The following PLCH1 variants were observed in gnomAD, a reference collection of about 807,000 sequenced individuals.
PLCH1 encodes phospholipase C eta 1, also known as 1-phosphatidylinositol 4,5-bisphosphate phosphodiesterase eta-1.
In PLCH1, 60 loss-of-function variants were observed where a neutral mutation model predicts 126.7. The ratio of observed to expected loss-of-function variants is 0.47; its 90% CI spans 0.38 to 0.59. The LOEUF (loss-of-function observed/expected upper bound fraction) is 0.59, where lower values mean the gene tolerates loss of function less well. Among genes scored for constraint, PLCH1 ranks in the 20% least tolerant of loss-of-function variants. The probability of loss-of-function intolerance (pLI) is 0.00; values close to 1 mark genes in which losing one functional copy is unlikely to be tolerated. For missense variants in PLCH1, 1,723 were observed against 2,040.0 expected (o/e 0.84, Z 2.99); for synonymous variants, 719 against 734.9 (o/e 0.98, Z 0.35).
rs191679885 is a variant in PLCH1, at chr3:155,726,859, C to T, written c.-41+17981G>A. ...TACAGGCACGCGCCATCCCACCCGG[C>T]TAATTTTTTTTCTTTTTTCTTTTTT... On this transcript the variant is annotated intron_variant, in intron 1 of 22. Transcript: ENST00000460012. Among the ~76,000 whole-genome samples, 363 of 149,262 alleles carry T rather than the reference C, an allele frequency of 2.4e-3. 4 individuals are homozygous for T. Among genetic ancestry groups the T allele is most frequent in the East Asian group, 2.2e-3 (11 of 5,110 alleles).
intron 2 of PLCH1, among the ~76,000 whole-genome samples, chr3:155,687,750 C>T (rs1046365269): frequency 5.9e-5 from 9 of 152,154 alleles, no homozygotes; most frequent in Non-Finnish European, 1.2e-4. Flanking sequence ...AATAACCATC[C>T]TCCTGTCACT....
chr3:155,659,282 C>T (rs13326969), intron 2 of PLCH1, among the ~76,000 whole-genome samples: 17,357 of 129,514 alleles, frequency 0.13, 1,124 homozygotes, highest in East Asian at 0.23. Flanking sequence ...ACAGGCCAGG[C>T]GTGAGATGTC....
chr3:155,455,719 T>G (rs937489329), intron 21 of PLCH1, among the ~76,000 whole-genome samples: 4 of 152,226 alleles, frequency 2.6e-5, no homozygotes, highest in Non-Finnish European at 5.9e-5. Context: ...GAAGAGGCTT[T>G]GTTTCCTAAT....
At chr3:155,680,669 G>T (rs1166708208) in intron 2 of PLCH1, among the ~76,000 whole-genome samples, 1 of 152,176 alleles carries the variant, frequency 6.6e-6, no homozygotes, top group African/African-American at 2.4e-5. Context: ...AGCAAGATTT[G>T]TAAAAATGGT....
chr3:155,667,458 T>C (rs879524026), intron 2 of PLCH1, among the ~76,000 whole-genome samples: 1 of 152,168 alleles, frequency 6.6e-6, no homozygotes, highest in Non-Finnish European at 1.5e-5. Flanking sequence ...TTGAAGGGAA[T>C]GTAACCTTAG....
At chr3:155,508,936 T>C (rs1397974846) in intron 12 of PLCH1, among the ~76,000 whole-genome samples, 2 of 99,308 alleles carry the variant, frequency 2.0e-5, no homozygotes, top group South Asian at 7.7e-4. Context: ...ATGGTACCAG[T>C]TCCTCCTTGT....
intron 1 of PLCH1, among the ~76,000 whole-genome samples, chr3:155,728,373 A>G (rs1033494080): frequency 6.6e-6 from 1 of 152,092 alleles, no homozygotes; most frequent in Admixed American, 6.6e-5. Context: ...TCCTATGGCC[A>G]AGTATCATGA....
chr3:155,630,001 C>G (rs1033744317), intron 2 of PLCH1, among the ~76,000 whole-genome samples: 2 of 152,226 alleles, frequency 1.3e-5, no homozygotes, highest in African/African-American at 4.8e-5. Context: ...TAGTTAACTA[C>G]TATTAACAGT....
At chr3:155,505,412 C>G (rs1449451282) in intron 12 of PLCH1, among the ~76,000 whole-genome samples, 2 of 152,180 alleles carry the variant, frequency 1.3e-5, no homozygotes, top group Admixed American at 1.3e-4. Context: ...TGGTTCATTA[C>G]TAATAACATG....
intron 11 of PLCH1, among the ~76,000 whole-genome samples, chr3:155,521,770 A>G (rs947009893): frequency 1.3e-5 from 2 of 152,242 alleles, no homozygotes; most frequent in African/African-American, 4.8e-5. Context: ...GCTCAAAAAT[A>G]GCAAAAAACA....
intron 2 of PLCH1, among the ~76,000 whole-genome samples, chr3:155,669,079 A>T (rs1743106363): frequency 2.0e-5 from 3 of 152,008 alleles, no homozygotes; most frequent in African/African-American, 7.2e-5. Flanking sequence ...ACACAAATCC[A>T]CATGCCAAAA....
intron 1 of PLCH1, among the ~76,000 whole-genome samples, chr3:155,731,986 CAAAAAAA>C (rs11449385): frequency 1.5e-5 from 1 of 68,290 alleles, no homozygotes; most frequent in African/African-American, 5.0e-5. Context: ...GACCCTGTCT[CAAAAAAA>C]AAAAAAAAAA....
intron 2 of PLCH1, among the ~76,000 whole-genome samples, chr3:155,645,049 G>A (rs1157962469): frequency 3.3e-5 from 5 of 152,062 alleles, no homozygotes; most frequent in African/African-American, 2.4e-5. Flanking sequence ...ACAATCCTAC[G>A]AGACAGAATA....
At chr3:155,501,193 G>GT (rs926370341) in intron 13 of PLCH1, among the ~76,000 whole-genome samples, 3 of 152,062 alleles carry the variant, frequency 2.0e-5, no homozygotes, top group African/African-American at 7.2e-5. Flanking sequence ...GGCACATTTG[G>GT]TTTTTTAAGA....
intron 21 of PLCH1, among the ~76,000 whole-genome samples, chr3:155,459,409 A>G (rs984728594): frequency 4.2e-4 from 64 of 152,204 alleles, no homozygotes; most frequent in African/African-American, 1.5e-3. Context: ...ATTAGAGTGT[A>G]TAACTCAACC....
chr3:155,717,890 A>T (rs1404137907), intron 1 of PLCH1, among the ~76,000 whole-genome samples: 1 of 152,132 alleles, frequency 6.6e-6, no homozygotes, highest in Non-Finnish European at 1.5e-5. Context: ...CTCCCAAAAA[A>T]AGTGTTTTCT....
chr3:155,561,942 C>T (rs891762800), intron 8 of PLCH1, among the ~76,000 whole-genome samples: 1 of 152,046 alleles, frequency 6.6e-6, no homozygotes, highest in Non-Finnish European at 1.5e-5. Context: ...CCACCATGCC[C>T]GGATAATTCT....
chr3:155,734,421 T>C (rs1749003628), intron 1 of PLCH1, among the ~76,000 whole-genome samples: 3 of 152,106 alleles, frequency 2.0e-5, no homozygotes, highest in Admixed American at 2.0e-4. Flanking sequence ...GATCGCACCA[T>C]TGTACTCCAG....
intron 10 of PLCH1, among the ~76,000 whole-genome samples, chr3:155,544,204 A>T (rs1374953069): frequency 3.3e-5 from 5 of 152,234 alleles, no homozygotes; most frequent in Admixed American, 1.3e-4. Context: ...CTACCAAGCA[A>T]ATGGAAAACA....
Sources: gnomAD v4.1 joint callset for allele counts (sites outside exome capture counted in the v4.1 genomes callset) on GRCh38, gnomAD v4.1.1 for gene constraint, MANE v1.5 for transcripts, NCBI Gene and HGNC (gene_info 2026-07-23, HGNC 2026-07-21) for gene names.